SIPA1L1: variants seen among roughly 807,000 people sequenced by gnomAD.
SIPA1L1 encodes signal-induced proliferation-associated 1-like protein 1.
SIPA1L1 carries 26 observed loss-of-function variants against 162.7 expected under a neutral mutation model. The observed-to-expected ratio is 0.16, with a 90% CI of 0.12 to 0.22. The LOEUF is 0.22. Among genes scored for constraint, SIPA1L1 ranks in the 10% least tolerant of loss-of-function variants. The pLI, the probability that SIPA1L1 is intolerant of heterozygous loss-of-function variation, is 1.00. For synonymous variants in SIPA1L1, 829 were observed against 837.4 expected, an observed-to-expected ratio of 0.99 and a Z score of 0.17; for missense variants, 1,874 against 2,241.0, an observed-to-expected ratio of 0.84 and a Z score of 3.31.
intron 4 of SIPA1L1, among the ~76,000 whole-genome samples, chr14:71,552,833 G>A (rs2055990812): frequency 1.3e-5 from 2 of 152,128 alleles, no homozygotes; most frequent in African/African-American, 4.8e-5. Context: ...CTAAGGGACT[G>A]TCTTTTGGAA....
At chr14:71,510,078 A>G (rs2050999771) in intron 2 of SIPA1L1, among the ~76,000 whole-genome samples, 1 of 149,826 alleles carries the variant, frequency 6.7e-6, no homozygotes, top group Non-Finnish European at 1.5e-5. Flanking sequence ...TGTAAATTTT[A>G]TTTAACAGTT....
intron 2 of SIPA1L1, among the ~76,000 whole-genome samples, chr14:71,501,478 A>T (rs1248132134): frequency 6.6e-6 from 1 of 152,182 alleles, no homozygotes; most frequent in Non-Finnish European, 1.5e-5. Flanking sequence ...ACCCCATTTA[A>T]ATAAATTGCT....
At chr14:71,393,506 T>C (rs150495103) in intron 2 of SIPA1L1, among the ~76,000 whole-genome samples, 210 of 152,338 alleles carry the variant, frequency 1.4e-3, no homozygotes, top group Non-Finnish European at 2.5e-3. Flanking sequence ...TAGCAGGACT[T>C]GCTTTAGTAA....
intron 16 of SIPA1L1, among the ~76,000 whole-genome samples, chr14:71,706,443 T>C (rs1282048606): frequency 6.6e-6 from 1 of 152,200 alleles, no homozygotes; most frequent in African/African-American, 2.4e-5. Context: ...TACTAGAAAA[T>C]TTAAAATTAC....
chr14:71,699,527 C>T (rs1356692191), intron 14 of SIPA1L1, among the ~76,000 whole-genome samples: 1 of 152,200 alleles, frequency 6.6e-6, no homozygotes, highest in Admixed American at 6.5e-5. Flanking sequence ...GCGTGTTCTA[C>T]CCTCCTTGGA....
At chr14:71,494,097 C>T (rs762686260) in intron 2 of SIPA1L1, among the ~76,000 whole-genome samples, 2 of 152,128 alleles carry the variant, frequency 1.3e-5, no homozygotes, top group African/African-American at 2.4e-5. Context: ...ATTCAGATGC[C>T]TTTAATTTTT....
intron 7 of SIPA1L1, among the ~76,000 whole-genome samples, chr14:71,626,386 G>A (rs1025846382): frequency 5.9e-5 from 9 of 152,116 alleles, no homozygotes; most frequent in African/African-American, 2.2e-4. Flanking sequence ...GTTAGCCTCT[G>A]TCTTTTTTTT....
chr14:71,344,025 G>A (rs183110059), intron 2 of SIPA1L1, among the ~76,000 whole-genome samples: 3 of 152,340 alleles, frequency 2.0e-5, no homozygotes, highest in African/African-American at 7.2e-5. Context: ...TTAAGGTTTG[G>A]AGAATTTATA....
chr14:71,646,266 T>G (rs192055876), intron 7 of SIPA1L1, among the ~76,000 whole-genome samples: 1 of 150,554 alleles, frequency 6.6e-6, no homozygotes, highest in Admixed American at 6.6e-5. Context: ...AAGCTCAGCC[T>G]CCCGGGTTCA....
At chr14:71,563,965 T>A (rs1233417272) in intron 4 of SIPA1L1, among the ~76,000 whole-genome samples, 1 of 152,230 alleles carries the variant, frequency 6.6e-6, no homozygotes, top group African/African-American at 2.4e-5. Flanking sequence ...TTTTTTATTT[T>A]TAAAAAACTG....
intron 2 of SIPA1L1, among the ~76,000 whole-genome samples, chr14:71,360,530 A>C (rs1024404739): frequency 6.6e-6 from 1 of 152,254 alleles, no homozygotes; most frequent in Non-Finnish European, 1.5e-5. Flanking sequence ...GAGATAACCC[A>C]GGGAGCAATT....
chr14:71,444,049 C>T (rs1567031077), intron 2 of SIPA1L1, among the ~76,000 whole-genome samples: 1 of 152,202 alleles, frequency 6.6e-6, no homozygotes, highest in Non-Finnish European at 1.5e-5. Flanking sequence ...TTATTAGTTT[C>T]TGTCCAGGCA....
intron 2 of SIPA1L1, among the ~76,000 whole-genome samples, chr14:71,348,249 T>C (rs1426402819): frequency 6.6e-6 from 1 of 152,194 alleles, no homozygotes; most frequent in Non-Finnish European, 1.5e-5. Flanking sequence ...AGCCATCTTC[T>C]GCACCTTTGC....
intron 2 of SIPA1L1, among the ~76,000 whole-genome samples, chr14:71,342,029 G>C (rs1003927953): frequency 6.6e-6 from 1 of 151,732 alleles, no homozygotes; most frequent in Non-Finnish European, 1.5e-5. Context: ...TTGGAGACAG[G>C]GTCTCACTTT....
At chr14:71,419,795 C>T (rs1049507761) in intron 2 of SIPA1L1, among the ~76,000 whole-genome samples, 1 of 151,772 alleles carries the variant, frequency 6.6e-6, no homozygotes, top group Admixed American at 6.6e-5. Flanking sequence ...CCGCGCCCGG[C>T]CAAGGAGGAT....
intron 2 of SIPA1L1, among the ~76,000 whole-genome samples, chr14:71,337,585 G>A (rs1256122658): frequency 6.6e-6 from 1 of 152,134 alleles, no homozygotes; most frequent in African/African-American, 2.4e-5. Flanking sequence ...ACTATCACAA[G>A]AACAGCATGG....
At chr14:71,735,193 C>T in intron 21 of SIPA1L1, 84 bp from the exon 22 acceptor site, 1 of 872,326 alleles carries the variant, frequency 1.1e-6, no homozygotes, top group Non-Finnish European at 1.9e-6. Context: ...GACATGACTG[C>T]CAACTAGACC....
chr14:71,658,902 A>G (rs990352482), intron 9 of SIPA1L1, among the ~76,000 whole-genome samples: 5 of 152,238 alleles, frequency 3.3e-5, no homozygotes, highest in African/African-American at 9.6e-5. Flanking sequence ...CTTCCTTACC[A>G]TGTTCATTGG....
chr14:71,608,931 A>T (rs936599973), intron 5 of SIPA1L1, among the ~76,000 whole-genome samples: 1 of 152,150 alleles, frequency 6.6e-6, no homozygotes, highest in Non-Finnish European at 1.5e-5. Context: ...AAAACTTCCA[A>T]TTATAAAAGT....
Sources: gnomAD v4.1 joint callset for allele counts (sites outside exome capture counted in the v4.1 genomes callset) on GRCh38, gnomAD v4.1.1 for gene constraint, MANE v1.5 for transcripts, NCBI Gene and HGNC (gene_info 2026-07-23, HGNC 2026-07-21) for gene names.